Variants in ANKS1B observed in about 807,000 individuals in gnomAD.
ANKS1B encodes ankyrin repeat and sterile alpha motif domain containing 1B, also known as ankyrin repeat and sterile alpha motif domain-containing protein 1B.
A neutral mutation model predicts 148.3 loss-of-function variants in ANKS1B; 36 were observed. That is an observed-to-expected ratio of 0.24 (90% CI 0.19 to 0.32). ANKS1B has a LOEUF of 0.32. Ranked by LOEUF, ANKS1B falls within the 10% of genes least tolerant of loss-of-function variation. The pLI, the probability that ANKS1B is intolerant of heterozygous loss-of-function variation, is 1.00. For synonymous variants in ANKS1B, 542 were observed against 560.8 expected (o/e 0.97, Z 0.47); for missense variants, 1,157 against 1,542.6 (o/e 0.75, Z 4.19).
chr12:98,999,935 A>C (rs2153359489), intron 17 of ANKS1B, among the ~76,000 whole-genome samples: 1 of 152,278 alleles, frequency 6.6e-6, no homozygotes, highest in South Asian at 2.1e-4. Context: ...TTGAAATTTC[A>C]CACTGCAAAT....
intron 12 of ANKS1B, among the ~76,000 whole-genome samples, chr12:99,395,430 C>G (rs2094212713): frequency 6.6e-6 from 1 of 152,186 alleles, no homozygotes; most frequent in Admixed American, 6.5e-5. Context: ...ACCTTTCACT[C>G]ATCAGCTTAA....
intron 15 of ANKS1B, among the ~76,000 whole-genome samples, chr12:99,119,786 G>A (rs1167492828): frequency 6.6e-6 from 1 of 152,148 alleles, no homozygotes; most frequent in African/African-American, 2.4e-5. Flanking sequence ...CTCACTTAAT[G>A]TCATGGATAA....
chr12:99,593,681 T>C (rs1235552541), intron 9 of ANKS1B, among the ~76,000 whole-genome samples: 2 of 152,094 alleles, frequency 1.3e-5, no homozygotes, highest in African/African-American at 4.8e-5. Context: ...GCAGACAGCT[T>C]TTACATTTAG....
At chr12:98,765,295 T>C (rs2098465588) in intron 25 of ANKS1B, among the ~76,000 whole-genome samples, 2 of 152,196 alleles carry the variant, frequency 1.3e-5, no homozygotes, top group Non-Finnish European at 2.9e-5. Context: ...GTCAGAGTCT[T>C]GCTCAGTCAC....
chr12:99,101,850 C>G (rs1158461683), intron 15 of ANKS1B, among the ~76,000 whole-genome samples: 1 of 152,140 alleles, frequency 6.6e-6, no homozygotes, highest in African/African-American at 2.4e-5. Flanking sequence ...GTATGAGCCC[C>G]TGCGCTCAGC....
intron 17 of ANKS1B, among the ~76,000 whole-genome samples, chr12:98,860,860 T>C (rs1308828219): frequency 6.6e-6 from 1 of 152,128 alleles, no homozygotes; most frequent in African/African-American, 2.4e-5. Context: ...CCGGTACGGG[T>C]ATCCTGGAAC....
intron 17 of ANKS1B, among the ~76,000 whole-genome samples, chr12:98,990,023 A>G (rs1386807348): frequency 6.6e-6 from 1 of 152,102 alleles, no homozygotes; most frequent in Non-Finnish European, 1.5e-5. Flanking sequence ...AAAGAAAGAA[A>G]AAGAAAGAAA....
chr12:99,951,863 G>C (rs1041230485), intron 1 of ANKS1B, among the ~76,000 whole-genome samples: 1 of 152,180 alleles, frequency 6.6e-6, no homozygotes, highest in African/African-American at 2.4e-5. Flanking sequence ...TCTAGCCAAG[G>C]AGACAGCGAG....
At chr12:99,052,649 A>G (rs111387203) in intron 17 of ANKS1B, among the ~76,000 whole-genome samples, 1 of 141,420 alleles carries the variant, frequency 7.1e-6, no homozygotes, top group South Asian at 2.5e-4. Flanking sequence ...AATGGCGTGA[A>G]CCCGGGAAGC....
intron 17 of ANKS1B, among the ~76,000 whole-genome samples, chr12:98,844,856 T>A (rs2099439519): frequency 6.6e-6 from 1 of 152,192 alleles, no homozygotes; most frequent in South Asian, 2.1e-4. Flanking sequence ...GACATAAAAC[T>A]GTGAAAAATA....
chr12:99,795,705 G>C (rs1293865799), intron 4 of ANKS1B, among the ~76,000 whole-genome samples: 1 of 151,936 alleles, frequency 6.6e-6, no homozygotes, highest in Non-Finnish European at 1.5e-5. Flanking sequence ...TTTATACACA[G>C]GGAATATATT....
chr12:98,907,844 G>A (rs2099781500), intron 17 of ANKS1B, among the ~76,000 whole-genome samples: 1 of 152,120 alleles, frequency 6.6e-6, no homozygotes, highest in Admixed American at 6.5e-5. Context: ...GATTTTATAA[G>A]GGGTTTCCAC....
At chr12:99,446,470 C>CA (rs2152805569) in intron 10 of ANKS1B, among the ~76,000 whole-genome samples, 1 of 152,088 alleles carries the variant, frequency 6.6e-6, no homozygotes, top group African/African-American at 2.4e-5. Flanking sequence ...ATTTAATACC[C>CA]AAATTAACTT....
At chr12:99,835,022 G>A (rs748945967) in intron 1 of ANKS1B, among the ~76,000 whole-genome samples, 2 of 152,160 alleles carry the variant, frequency 1.3e-5, no homozygotes, top group Non-Finnish European at 2.9e-5. Context: ...TACAAGTGAA[G>A]TTCTCATCAG....
At chr12:99,468,767 A>G (rs563997235) in intron 10 of ANKS1B, among the ~76,000 whole-genome samples, 14 of 152,106 alleles carry the variant, frequency 9.2e-5, no homozygotes, top group African/African-American at 2.4e-4. Context: ...TTAGAATGGC[A>G]ATCATTAAAA....
intron 1 of ANKS1B, among the ~76,000 whole-genome samples, chr12:99,979,383 G>C (rs1446540157): frequency 6.6e-6 from 1 of 152,144 alleles, no homozygotes; most frequent in Non-Finnish European, 1.5e-5. Context: ...ACTGTGGGTA[G>C]TTTTAAACCA....
At chr12:98,984,994 A>G (rs925423102) in intron 17 of ANKS1B, among the ~76,000 whole-genome samples, 2 of 152,194 alleles carry the variant, frequency 1.3e-5, no homozygotes, top group African/African-American at 2.4e-5. Context: ...CTGGGTGACA[A>G]AGTGAGACTG....
At chr12:99,685,761 C>T (rs201806545) in intron 8 of ANKS1B, among the ~76,000 whole-genome samples, 75 of 128,442 alleles carry the variant, frequency 5.8e-4, no homozygotes, top group Middle Eastern at 7.6e-3. Context: ...TATATATATA[C>T]ACACACACAC....
At chr12:99,238,433 C>T (rs2088490620) in intron 14 of ANKS1B, among the ~76,000 whole-genome samples, 1 of 152,214 alleles carries the variant, frequency 6.6e-6, no homozygotes, top group Non-Finnish European at 1.5e-5. Context: ...CCCACTGCAG[C>T]TTAGCAAGGC....
Sources: gnomAD v4.1 joint callset for allele counts (sites outside exome capture counted in the v4.1 genomes callset) on GRCh38, gnomAD v4.1.1 for gene constraint, MANE v1.5 for transcripts, NCBI Gene and HGNC (gene_info 2026-07-23, HGNC 2026-07-21) for gene names.